Variants in MLIP observed in about 807,000 individuals in gnomAD.
MLIP encodes muscular LMNA-interacting protein.
MLIP carries 79 observed loss-of-function variants against 84.8 expected under a neutral mutation model. The observed-to-expected ratio is 0.93, with a 90% CI of 0.78 to 1.12. The LOEUF (loss-of-function observed/expected upper bound fraction) is 1.12. MLIP is among the 50% of genes most tolerant of loss of function. The pLI is 0.00. For missense variants in MLIP, 1,257 were observed against 1,160.6 expected (o/e 1.08, Z -1.21); for synonymous variants, 504 against 463.0 (o/e 1.09, Z -1.14).
intron 3 of MLIP, among the ~76,000 whole-genome samples, chr6:54,133,766 T>C (rs1184124405): frequency 6.6e-6 from 1 of 152,170 alleles, no homozygotes; most frequent in Non-Finnish European, 1.5e-5. Context: ...ACTTACCTAA[T>C]GATAGGAGCA....
At chr6:54,217,811 C>T in intron 11 of MLIP, 1 of 984,730 alleles carries the variant, frequency 1.0e-6, no homozygotes, top group Non-Finnish European at 1.2e-6. Flanking sequence ...CCTGTACATC[C>T]CTCAAAAACT....
At position 54,245,907 on chromosome 6, in the gene MLIP, G is replaced by A. The variant is rs576612033; in HGVS notation, c.2923-11401G>A. On this transcript the variant is annotated intron_variant, in intron 12 of 13. Coordinates refer to ENST00000502396, the MANE Select transcript of MLIP (RefSeq NM_001281747.2). Reference sequence around the variant, plus strand: ...AAACTTCAGGGCAAAATTTTTCTATGTTGCTTTATCTTGCTTAATGTGACC... The same window carrying A: ...AAACTTCAGGGCAAAATTTTTCTATATTGCTTTATCTTGCTTAATGTGACC... 1.2e-4 allele frequency among the ~76,000 whole-genome samples: 19 copies of A among 152,198 alleles called. No individual in the cohort carries two copies. In the South Asian group the frequency reaches 3.9e-3, roughly 32 times the overall value.
At position 54,069,548 on chromosome 6, in the gene MLIP, A is replaced by G. The variant is rs116463731; in HGVS notation, c.63+50457A>G. 6.5e-3 allele frequency among the ~76,000 whole-genome samples: 646 copies of G among 100,118 alleles called. 82 individuals are homozygous for G. Among genetic ancestry groups the G allele is most frequent in the African/African-American group, 0.015 (605 of 39,194 alleles). The allele number at this position is 100,118 out of a possible 152,430, so 65.7% of individuals were successfully genotyped here. ...ATGGTGTAGTATTTGCATATAACCTATGCACATCCTCCCAGGTACATTAAA... is the reference window on the plus strand; with the variant it reads ...ATGGTGTAGTATTTGCATATAACCTGTGCACATCCTCCCAGGTACATTAAA... On this transcript the variant is annotated intron_variant, in intron 1 of 12. Coordinates refer to the MLIP transcript ENST00000274897.
At chr6:54,063,402 G>A (rs1259872233) in intron 1 of MLIP, 2 of 151,904 alleles carry the variant, frequency 1.3e-5, no homozygotes, top group Admixed American at 6.6e-5. Flanking sequence ...ATTAATTGCT[G>A]AAAAAATTCC....
At chr6:54,132,584 G>A (rs1771472593) in intron 3 of MLIP, among the ~76,000 whole-genome samples, 1 of 152,176 alleles carries the variant, frequency 6.6e-6, no homozygotes, top group African/African-American at 2.4e-5. Flanking sequence ...AGTAGGTTAA[G>A]GGTTTGTGGA....
In MLIP at chr6:54,251,651, TATATAATATAAATATATATTATAAC is replaced by T. The variant is rs1411373657; in HGVS notation, c.2923-5627_2923-5603del. Among the ~76,000 whole-genome samples the T allele has an allele frequency of 5.2e-4, 56 of 107,022 alleles. No homozygotes were observed. The East Asian group carries it at 6.3e-3, about 12-fold the overall frequency. 70.2% of individuals were successfully genotyped at this position (107,022 alleles called of 152,430 possible). The stretch of plus-strand genomic sequence containing the variant: ...CAAATATATATATTATAACATATAA[TATATAATATAAATATATATTATAAC>T]ATATAATATAAATATATATTATAAC... On this transcript the variant is annotated intron_variant, in intron 12 of 13. Coordinates refer to ENST00000502396, the MANE Select transcript of MLIP (RefSeq NM_001281747.2).
At chr6:54,256,034 G>A (rs1782984579) in intron 12 of MLIP, among the ~76,000 whole-genome samples, 1 of 152,106 alleles carries the variant, frequency 6.6e-6, no homozygotes, top group South Asian at 2.1e-4. Flanking sequence ...GCTTCCAGCT[G>A]CTTCCTGGAA....
At chr6:54,165,195 A>T (rs1469059223) in intron 8 of MLIP, among the ~76,000 whole-genome samples, 1 of 151,884 alleles carries the variant, frequency 6.6e-6, no homozygotes, top group African/African-American at 2.4e-5. Flanking sequence ...CAGGAGGAGC[A>T]TGTGCTTCAG....
chr6:54,210,161 C>A (rs188760402), intron 11 of MLIP, among the ~76,000 whole-genome samples: 669 of 152,124 alleles, frequency 4.4e-3, no homozygotes, highest in African/African-American at 0.016. Context: ...CGCACCGCAC[C>A]GCACCAGAGC....
chr6:54,138,260 A>G lies in MLIP; in HGVS notation c.2191A>G (p.Thr731Ala), dbSNP rs767701992. The change falls in exon 4 of 14, where the codon ACA becomes GCA. Residue 731 changes from threonine (T) to alanine (A), a missense_variant. Thr to Ala is a moderately conservative substitution (Grantham distance 58, BLOSUM62 0). Coordinates refer to ENST00000502396, the MANE Select transcript of MLIP (RefSeq NM_001281747.2). ...TTCACCTTGTGCATTGTCCATGTCA[A>G]CAGGCCCAGAAAATAAGAAATCAAA... ...LISPCALSMS[T>A]GPENKKSKQY... 2.6e-6 allele frequency: 4 copies of G among 1,535,060 alleles called. No homozygotes were observed. The South Asian group carries it at 3.6e-5, about 14-fold the overall frequency.
chr6:54,137,081 A>G lies in MLIP; in HGVS notation c.1012A>G (p.Ser338Gly). Residue 338 changes from serine to glycine, a missense_variant, in exon 4 of 14, where the codon AGT becomes GGT. Transcript: ENST00000502396. ...GACAACTTTAACCTCGCATGTCCTT[A>G]GTCACGGAGAAAGTCCGAGAACCTC... ...KKTTLTSHVL[S>G]HGESPRTSSS... The G allele has an allele frequency of 6.5e-7, 1 of 1,536,094 alleles. No homozygotes were observed. Among genetic ancestry groups the G allele is most frequent in the Non-Finnish European group, 8.7e-7 (1 of 1,146,886 alleles).
At chr6:54,216,383 A>G in intron 11 of MLIP, 2 of 985,264 alleles carry the variant, frequency 2.0e-6, no homozygotes, top group Non-Finnish European at 2.4e-6. Flanking sequence ...GAATCCAACT[A>G]TATGTATAGA....
intron 1 of MLIP, chr6:54,047,219 C>T (rs2150311512): frequency 6.6e-6 from 1 of 152,156 alleles, no homozygotes; most frequent in African/African-American, 2.4e-5. Flanking sequence ...GTTACAGAAA[C>T]AAAATTTGTG....
chr6:54,204,204 G>A (rs909679667), intron 11 of MLIP, among the ~76,000 whole-genome samples: 8 of 152,088 alleles, frequency 5.3e-5, no homozygotes, highest in Non-Finnish European at 1.0e-4. Flanking sequence ...TAATTTTCTG[G>A]AATAAAATTA....
intron 4 of MLIP, among the ~76,000 whole-genome samples, chr6:54,140,780 C>A (rs1455347780): frequency 2.6e-5 from 4 of 152,108 alleles, no homozygotes; most frequent in Non-Finnish European, 4.4e-5. Context: ...ATCCCAAGCT[C>A]TTTTGATGTT....
chr6:54,250,475 A>G (rs1052221822), intron 12 of MLIP, among the ~76,000 whole-genome samples: 1 of 152,130 alleles, frequency 6.6e-6, no homozygotes, highest in African/African-American at 2.4e-5. Context: ...CCCATCAATG[A>G]TAGACTGGAT....
intron 9 of MLIP, among the ~76,000 whole-genome samples, chr6:54,188,428 A>G (rs192628781): frequency 1.7e-4 from 26 of 152,202 alleles, no homozygotes; most frequent in Admixed American, 1.4e-3. Flanking sequence ...CTCTTATTCT[A>G]TAAGTTTTTT....
At chr6:54,208,703 G>A (rs896459635) in intron 11 of MLIP, among the ~76,000 whole-genome samples, 1 of 152,138 alleles carries the variant, frequency 6.6e-6, no homozygotes, top group Non-Finnish European at 1.5e-5. Flanking sequence ...CCTGTGTATA[G>A]AACCACAGAT....
intron 1 of MLIP, among the ~76,000 whole-genome samples, chr6:54,054,845 C>T (rs910955262): frequency 6.6e-6 from 1 of 152,206 alleles, no homozygotes; most frequent in African/African-American, 2.4e-5. Context: ...AAGTAATTCA[C>T]ATAAGTATAT....
Sources: allele counts gnomAD v4.1 joint callset (sites outside exome capture counted in the v4.1 genomes callset), GRCh38; gene constraint gnomAD v4.1.1; transcripts MANE v1.5; gene names NCBI Gene and HGNC (gene_info 2026-07-23, HGNC 2026-07-21).